The following ARHGAP17 variants were observed in gnomAD, a reference collection of about 807,000 sequenced individuals.
ARHGAP17 encodes Rho GTPase activating protein 17, also known as rho GTPase-activating protein 17.
ARHGAP17 carries 57 observed loss-of-function variants against 99.5 expected under a neutral mutation model. The observed-to-expected ratio is 0.57, with a 90% confidence interval of 0.46 to 0.71. ARHGAP17 has a LOEUF of 0.71. Ranked by LOEUF, ARHGAP17 falls within the 30% of genes least tolerant of loss-of-function variation. ARHGAP17 has a pLI of 0.00. For synonymous variants in ARHGAP17, 417 were observed against 429.6 expected (o/e 0.97, Z 0.36); for missense variants, 1,000 against 1,122.4 (o/e 0.89, Z 1.56).
At chr16:24,946,718 C>T (rs1269998151) in intron 14 of ARHGAP17, among the ~76,000 whole-genome samples, 2 of 152,106 alleles carry the variant, frequency 1.3e-5, no homozygotes, top group Admixed American at 6.6e-5. Context: ...GACGGGGAGG[C>T]AAGGCTGAGG....
At chr16:24,977,550 C>A in intron 2 of ARHGAP17, 1 of 329,092 alleles carries the variant, frequency 3.0e-6, no homozygotes, top group East Asian at 4.4e-5. Context: ...GACCCACTGC[C>A]AACTGGAAAA....
chr16:24,964,608 C>T (rs1405645606), intron 6 of ARHGAP17, among the ~76,000 whole-genome samples: 3 of 150,084 alleles, frequency 2.0e-5, no homozygotes, highest in African/African-American at 4.9e-5. Context: ...TCCATGGAAC[C>T]CCTTTCTTGT....
Position 24,952,989 on chromosome 16 carries a change from A to G in ARHGAP17, c.906T>C (p.Ala302=). Residue 302 remains alanine, a synonymous_variant, in exon 11 of 20, where the codon GCT becomes GCC. Transcript: ENST00000289968. ...CCAGGTGAGAAGTAGAACAGTCCAA[A>G]GCAGCTTTCAGCTTCTTTAACTTGG... ...GASKLKKLKA[A]LDCSTSHLDE... The G allele has an allele frequency of 1.2e-6, 2 of 1,614,228 alleles. No individual in the cohort carries two copies. The highest frequency in any genetic ancestry group is 1.7e-6 in the Non-Finnish European group (2 of 1,180,046).
At position 24,985,599 on chromosome 16, in the gene ARHGAP17, T is replaced by C. The variant is rs557582054; in HGVS notation, c.54-6594A>G. Among the ~76,000 whole-genome samples, 7 of 152,330 alleles carry C rather than the reference T, an allele frequency of 4.6e-5. No homozygotes were observed. In the East Asian group the frequency reaches 1.3e-3, roughly 29 times the overall value. Reference sequence around the variant, plus strand: ...TGTGATTACACTGGGCCCACCTGGCTAGTCCAGGCTAATCTCCCTTTCCAC... The same window carrying C: ...TGTGATTACACTGGGCCCACCTGGCCAGTCCAGGCTAATCTCCCTTTCCAC... On this transcript the variant is annotated intron_variant, in intron 1 of 19. Coordinates refer to ENST00000289968, the MANE Select transcript of ARHGAP17 (RefSeq NM_001006634.3).
At chr16:24,931,531 TGG>T in intron 18 of ARHGAP17, 127 bp from the exon 19 acceptor site, 1 of 952,952 alleles carries the variant, frequency 1.0e-6, no homozygotes, top group Non-Finnish European at 1.4e-6. Flanking sequence ...TGATGAGAGG[TGG>T]TCAGGAGGGC....
intron 1 of ARHGAP17, among the ~76,000 whole-genome samples, chr16:24,987,243 C>T (rs1183889163): frequency 1.3e-5 from 2 of 152,180 alleles, no homozygotes; most frequent in East Asian, 1.9e-4. Context: ...TTTATGGACA[C>T]TGAAATGTGA....
At chr16:24,935,189 C>T (rs991101272) in intron 18 of ARHGAP17, among the ~76,000 whole-genome samples, 5 of 152,130 alleles carry the variant, frequency 3.3e-5, no homozygotes, top group African/African-American at 1.2e-4. Flanking sequence ...CCAAACAGAG[C>T]GAGGGCTTGG....
chr16:24,986,883 T>C (rs188774671), intron 1 of ARHGAP17, among the ~76,000 whole-genome samples: 5 of 152,350 alleles, frequency 3.3e-5, no homozygotes, highest in Non-Finnish European at 5.9e-5. Context: ...TGGCTGCCTC[T>C]GATAATTCAG....
chr16:24,928,516 A>G (rs1045734562), intron 19 of ARHGAP17, among the ~76,000 whole-genome samples: 1 of 152,228 alleles, frequency 6.6e-6, no homozygotes, highest in Non-Finnish European at 1.5e-5. Flanking sequence ...TCTGGTTTGC[A>G]ATCTTTCATT....
chr16:24,971,185 T>G (rs2052350806), intron 3 of ARHGAP17, among the ~76,000 whole-genome samples: 2 of 151,966 alleles, frequency 1.3e-5, no homozygotes, highest in African/African-American at 4.8e-5. Context: ...ATATTATTAT[T>G]AATGAATCAA....
chr16:25,012,581 C>G (rs1319886632), intron 1 of ARHGAP17, among the ~76,000 whole-genome samples: 2 of 152,198 alleles, frequency 1.3e-5, no homozygotes, highest in African/African-American at 2.4e-5. Flanking sequence ...TGGGGCCAAC[C>G]AACCACCTAC....
intron 13 of ARHGAP17, among the ~76,000 whole-genome samples, chr16:24,948,131 G>C (rs2141217259): frequency 6.6e-6 from 1 of 152,292 alleles, no homozygotes; most frequent in Middle Eastern, 3.4e-3. Context: ...TACAGTGGAG[G>C]ACTATGCTAC....
Position 24,953,000 on chromosome 16 carries a change from G to A in ARHGAP17, c.895C>T (p.Leu299=), listed in dbSNP as rs2051689790. The A allele has an allele frequency of 6.2e-7, 1 of 1,614,094 alleles. No individual in the cohort carries two copies. The highest frequency in any genetic ancestry group is 8.5e-7 in the Non-Finnish European group (1 of 1,180,052). The change falls in exon 11 of 20, where the codon CTG becomes TTG. Residue 299 remains leucine (L), a synonymous_variant. Transcript: ENST00000289968. The part of the protein sequence containing the change: ...IGAGASKLKK[L]KAALDCSTSH... ...GTAGAACAGTCCAAAGCAGCTTTCA[G>A]CTTCTTTAACTTGGAGGCCCCAGCC...
chr16:24,958,359 T>G (rs1207267601), intron 9 of ARHGAP17, among the ~76,000 whole-genome samples: 1 of 152,326 alleles, frequency 6.6e-6, no homozygotes, highest in East Asian at 1.9e-4. Context: ...TGTCTACTAT[T>G]TTGTCCTATG....
chr16:24,940,622 G>A (rs1329190490), intron 16 of ARHGAP17, among the ~76,000 whole-genome samples: 3 of 152,122 alleles, frequency 2.0e-5, no homozygotes, highest in Non-Finnish European at 2.9e-5. Flanking sequence ...GGCTGCCTGA[G>A]CCCAGGAGGT....
chr16:24,937,914 A>G (rs549111816), intron 17 of ARHGAP17, among the ~76,000 whole-genome samples: 1 of 152,344 alleles, frequency 6.6e-6, no homozygotes, highest in African/African-American at 2.4e-5. Context: ...TGGATGGCCA[A>G]TGCAGAACAT....
At chr16:24,950,024 A>G (rs2051587720) in intron 12 of ARHGAP17, among the ~76,000 whole-genome samples, 1 of 152,172 alleles carries the variant, frequency 6.6e-6, no homozygotes, top group Admixed American at 6.5e-5. Context: ...ACTTGCAGAG[A>G]CATAAAAAAG....
chr16:24,935,459 T>A lies in ARHGAP17; in HGVS notation c.1894+11A>T. 1 of 1,577,058 alleles carries A rather than the reference T, an allele frequency of 6.3e-7. No individual in the cohort carries two copies. Among genetic ancestry groups the A allele is most frequent in the South Asian group, 1.1e-5 (1 of 87,054 alleles). ...GCTTCCCTGAGGGCAAGGAGGACGG[T>A]GGCTGCTTACCTCGGCGCAGTGTAT... is the stretch of plus-strand genomic sequence containing the variant. On this transcript the variant is annotated intron_variant, in intron 18 of 19. Coordinates refer to ENST00000289968, the MANE Select transcript of ARHGAP17 (RefSeq NM_001006634.3).
chr16:24,930,955 C>A lies in ARHGAP17; in HGVS notation c.2344G>T (p.Gly782Cys). The A allele has an allele frequency of 3.7e-6, 6 of 1,613,906 alleles. No individual in the cohort carries two copies. The highest frequency in any genetic ancestry group is 1.6e-4 in the Middle Eastern group (1 of 6,062). Residue 782 changes from glycine to cysteine, a missense_variant, in exon 19 of 20, where the codon GGT (glycine) becomes TGT (cysteine). Around this residue, in one of 2 missense-constraint regions of ARHGAP17, gnomAD observed 528 missense variants for 511.4 expected, o/e 1.03. Transcript: ENST00000289968. ...SLPAPQTLAG[G>C]NPETAQPHAG... ...TGTGGCTGTGCAGTTTCAGGGTTAC[C>A]CCCTGCCAGGGTCTGAGGAGCTGGC...
Sources: allele counts gnomAD v4.1 joint callset (sites outside exome capture counted in the v4.1 genomes callset), GRCh38; gene constraint gnomAD v4.1.1; regional missense constraint gnomAD v4.1.1; transcripts MANE v1.5; gene names NCBI Gene and HGNC (gene_info 2026-07-23, HGNC 2026-07-21).